The following GALNT13 variants were observed in gnomAD, a reference collection of about 807,000 sequenced individuals.
The protein encoded by GALNT13 is polypeptide N-acetylgalactosaminyltransferase 13, also known as UDP-GalNAc:polypeptide N-acetylgalactosaminyltransferase 13.
Under a neutral mutation model 64.2 loss-of-function variants are expected in GALNT13, and 28 were observed. The observed-to-expected ratio is 0.44, with a 90% CI of 0.32 to 0.60. GALNT13 has a LOEUF of 0.60. Ranked by LOEUF, GALNT13 falls within the 20% of genes least tolerant of loss-of-function variation. The pLI is 0.05. For missense variants in GALNT13, 577 were observed against 669.8 expected (o/e 0.86, Z 1.53); for synonymous variants, 214 against 224.6 (o/e 0.95, Z 0.42).
chr2:153,896,931 G>T (rs1687931466), intron 1 of GALNT13, among the ~76,000 whole-genome samples: 1 of 152,022 alleles, frequency 6.6e-6, no homozygotes, highest in African/African-American at 2.4e-5. Context: ...AAATTTATAA[G>T]AATTGTGTTT....
chr2:153,903,712 A>G (rs1434278321), intron 2 of GALNT13, among the ~76,000 whole-genome samples: 1 of 98,694 alleles, frequency 1.0e-5, no homozygotes, highest in Non-Finnish European at 2.9e-5. Flanking sequence ...TATGTTTATT[A>G]AAATTTATCT....
chr2:154,431,461 A>G (rs938718290), intron 11 of GALNT13, among the ~76,000 whole-genome samples: 1 of 152,218 alleles, frequency 6.6e-6, no homozygotes, highest in Non-Finnish European at 1.5e-5. Flanking sequence ...GTGGACACCT[A>G]GTCTTTCATT....
At chr2:153,865,433 G>C in the GALNT13 span, among the ~76,000 whole-genome samples, 5 of 144,676 alleles carry the variant, frequency 3.5e-5, no homozygotes, top group Non-Finnish European at 4.5e-5. Context: ...CTAATATCCA[G>C]AATCTACAAT....
the GALNT13 span, among the ~76,000 whole-genome samples, chr2:153,433,161 G>GTAGTCTT: frequency 2.6e-5 from 4 of 152,210 alleles, no homozygotes; most frequent in Admixed American, 2.6e-4. Context: ...ATTCTAAGAA[G>GTAGTCTT]AGAGGAAATT....
chr2:154,163,474 CA>C (rs1684855275), intron 4 of GALNT13, among the ~76,000 whole-genome samples: 3 of 151,934 alleles, frequency 2.0e-5, no homozygotes, highest in African/African-American at 7.3e-5. Context: ...CACCTCTATG[CA>C]AATAAACTAG....
chr2:153,526,901 G>T, the GALNT13 span, among the ~76,000 whole-genome samples: 1 of 152,098 alleles, frequency 6.6e-6, no homozygotes, highest in Non-Finnish European at 1.5e-5. Flanking sequence ...TGCATTTGGT[G>T]TAATGAAGAA....
chr2:153,104,933 T>C, the GALNT13 span, among the ~76,000 whole-genome samples: 1 of 151,952 alleles, frequency 6.6e-6, no homozygotes, highest in African/African-American at 2.4e-5. Context: ...ATGTGCACAA[T>C]GTGCAGGTTA....
At chr2:153,912,856 G>T (rs1392290916) in intron 2 of GALNT13, among the ~76,000 whole-genome samples, 2 of 152,180 alleles carry the variant, frequency 1.3e-5, no homozygotes, top group East Asian at 3.9e-4. Flanking sequence ...CTCTTTGTAG[G>T]GCAGTGGCAG....
At chr2:153,082,789 AATAT>A in the GALNT13 span, among the ~76,000 whole-genome samples, 1 of 145,432 alleles carries the variant, frequency 6.9e-6, no homozygotes, top group Admixed American at 6.9e-5. Flanking sequence ...GAATAAATAA[AATAT>A]ATATTATTTA....
chr2:153,853,551 A>G, the GALNT13 span, among the ~76,000 whole-genome samples: 1 of 152,152 alleles, frequency 6.6e-6, no homozygotes, highest in East Asian at 1.9e-4. Context: ...AATATCTCCA[A>G]GAAATTAAAA....
the GALNT13 span, among the ~76,000 whole-genome samples, chr2:153,476,576 G>A: frequency 2.0e-5 from 3 of 151,992 alleles, no homozygotes; most frequent in Non-Finnish European, 4.4e-5. Flanking sequence ...ATGTGTCAAC[G>A]GCCATCTGTA....
intron 9 of GALNT13, among the ~76,000 whole-genome samples, chr2:154,330,815 T>A (rs548239174): frequency 5.3e-5 from 8 of 152,266 alleles, no homozygotes; most frequent in African/African-American, 1.9e-4. Context: ...ACAAAATGAA[T>A]AATGTTCTAA....
chr2:153,294,239 G>T, the GALNT13 span, among the ~76,000 whole-genome samples: 1 of 152,074 alleles, frequency 6.6e-6, no homozygotes, highest in East Asian at 1.9e-4. Flanking sequence ...AAGTGTGGGG[G>T]ATGTGAGGAA....
intron 3 of GALNT13, among the ~76,000 whole-genome samples, chr2:154,085,937 A>T (rs1208332021): frequency 6.6e-6 from 1 of 151,818 alleles, no homozygotes; most frequent in African/African-American, 2.4e-5. Context: ...GTAAAAAAAT[A>T]AAGTATGTTG....
At chr2:154,287,212 A>C in intron 8 of GALNT13, 1 of 1,361,690 alleles carries the variant, frequency 7.3e-7, no homozygotes, top group Non-Finnish European at 1.0e-6. Flanking sequence ...TTGTGGTGGA[A>C]AAGGCTGAGC....
chr2:153,283,312 AC>A, the GALNT13 span, among the ~76,000 whole-genome samples: 1 of 152,138 alleles, frequency 6.6e-6, no homozygotes, highest in African/African-American at 2.4e-5. Context: ...GGGGAGGGGG[AC>A]AGCCTAAATG....
the GALNT13 span, among the ~76,000 whole-genome samples, chr2:153,331,749 A>G: frequency 2.0e-5 from 3 of 152,080 alleles, no homozygotes; most frequent in Non-Finnish European, 4.4e-5. Flanking sequence ...CAACACCCTC[A>G]CAGACATACC....
the GALNT13 span, among the ~76,000 whole-genome samples, chr2:153,433,695 T>C: frequency 6.6e-6 from 1 of 152,150 alleles, no homozygotes; most frequent in Non-Finnish European, 1.5e-5. Context: ...AATTAAAAAA[T>C]TGAACCAACT....
chr2:154,116,605 C>T (rs1681579801), intron 3 of GALNT13, among the ~76,000 whole-genome samples: 1 of 152,120 alleles, frequency 6.6e-6, no homozygotes, highest in African/African-American at 2.4e-5. Context: ...ATATTATGTG[C>T]AGAGTCACTA....
Sources: gnomAD v4.1 joint callset for allele counts (sites outside exome capture counted in the v4.1 genomes callset) on GRCh38, gnomAD v4.1.1 for gene constraint, MANE v1.5 for transcripts, NCBI Gene and HGNC (gene_info 2026-07-23, HGNC 2026-07-21) for gene names.